GRAMD2B: variants seen among roughly 807,000 people sequenced by gnomAD.
GRAMD2B encodes the protein GRAM domain containing 2B, also known as GRAM domain-containing protein 2B.
In GRAMD2B, 41 loss-of-function variants were observed where a neutral mutation model predicts 59.2. The ratio of observed to expected loss-of-function variants is 0.69; its 90% CI spans 0.54 to 0.90. The LOEUF (loss-of-function observed/expected upper bound fraction) is 0.90. Ranked by LOEUF, GRAMD2B falls within the 40% of genes least tolerant of loss-of-function variation. The pLI, the probability that GRAMD2B is intolerant of heterozygous loss-of-function variation, is 0.00. For missense variants in GRAMD2B, 424 were observed against 500.5 expected (o/e 0.85, Z 1.46); for synonymous variants, 161 against 182.7 (o/e 0.88, Z 0.96).
chr5:126,457,857 G>C (rs1327717869), intron 1 of GRAMD2B, among the ~76,000 whole-genome samples: 3 of 152,030 alleles, frequency 2.0e-5, no homozygotes, highest in African/African-American at 7.3e-5. Context: ...ATAGGCTATT[G>C]CAAGGATTTG....
intron 1 of GRAMD2B, among the ~76,000 whole-genome samples, chr5:126,380,824 TATACCATC>T (rs968393530): frequency 2.0e-5 from 3 of 152,206 alleles, no homozygotes; most frequent in African/African-American, 2.4e-5. Flanking sequence ...GTTTTCTAGG[TATACCATC>T]ATATCACGGG....
chr5:126,423,473 T>A lies in GRAMD2B; in HGVS notation c.-134T>A, dbSNP rs996652926. The A allele has an allele frequency of 1.4e-6, 2 of 1,448,722 alleles. No individual in the cohort carries two copies. The highest frequency in any genetic ancestry group is 3.0e-5 in the African/African-American group (2 of 65,920). 89.7% of individuals were successfully genotyped at this position (1,448,722 alleles called of 1,614,324 possible). ...GGAGCTTGGCGCGGCCCGGCCTGGATGCGCTGGGCGGAGGGTGCAGGGGAG... is the reference window on the plus strand; with the variant it reads ...GGAGCTTGGCGCGGCCCGGCCTGGAAGCGCTGGGCGGAGGGTGCAGGGGAG... On this transcript the variant is annotated 5_prime_UTR_variant, in exon 1 of 14. It removes an upstream start codon present in the reference 5' UTR. Transcript: ENST00000285689.
intron 1 of GRAMD2B, among the ~76,000 whole-genome samples, chr5:126,382,087 G>A (rs1240393657): frequency 6.6e-6 from 1 of 152,094 alleles, no homozygotes; most frequent in Non-Finnish European, 1.5e-5. Context: ...TCCTTTATTA[G>A]GTTACCTGAT....
intron 1 of GRAMD2B, among the ~76,000 whole-genome samples, chr5:126,456,540 G>A (rs1766316290): frequency 6.6e-6 from 1 of 152,104 alleles, no homozygotes. Flanking sequence ...CAGTTTTAGT[G>A]TAGTGGTTAC....
At chr5:126,430,524 A>G (rs1025475216) in intron 1 of GRAMD2B, among the ~76,000 whole-genome samples, 1 of 152,082 alleles carries the variant, frequency 6.6e-6, no homozygotes, top group African/African-American at 2.4e-5. Flanking sequence ...CCTTATTTCA[A>G]TTCCCAACCC....
At chr5:126,445,573 A>T (rs2126636976) in intron 1 of GRAMD2B, 1 of 127,084 alleles carries the variant, frequency 7.9e-6, no homozygotes, top group South Asian at 2.6e-4. Flanking sequence ...ACATCACCCC[A>T]TGTCTGCTGC....
In GRAMD2B at chr5:126,448,826, G is replaced by A. The variant is rs1004555837; in HGVS notation, c.84-16600G>A. On this transcript the variant is annotated intron_variant, in intron 1 of 13. Transcript: ENST00000285689. The stretch of plus-strand genomic sequence containing the variant: ...AAGATTGGAGTTGTGTGGGCCCTCA[G>A]CGAACTCATCTTTGTTTCCTTATTT... 3.0e-4 allele frequency among the ~76,000 whole-genome samples: 45 copies of A among 152,202 alleles called. 3 individuals are homozygous for A.
intron 1 of GRAMD2B, among the ~76,000 whole-genome samples, chr5:126,403,067 C>T (rs1757970988): frequency 6.6e-6 from 1 of 151,880 alleles, no homozygotes; most frequent in South Asian, 2.1e-4. Flanking sequence ...CAAGTCTTTC[C>T]AAAGCAATGA....
chr5:126,417,360 G>C lies in GRAMD2B; in HGVS notation c.125+45793G>C, dbSNP rs1005706390. Among the ~76,000 whole-genome samples, 6 of 152,326 alleles carry C rather than the reference G, an allele frequency of 3.9e-5. No individual in the cohort carries two copies. In the East Asian group the frequency reaches 1.2e-3, roughly 29 times the overall value. On this transcript the variant is annotated intron_variant, in intron 1 of 8. Transcript: ENST00000506445. Reference sequence around the variant, plus strand: ...AAAAAAATCCAACTGTACTGAGATGGCCATGCTGTAAGGCAGCCAAAGCTA... The same window carrying C: ...AAAAAAATCCAACTGTACTGAGATGCCCATGCTGTAAGGCAGCCAAAGCTA...
At chr5:126,416,476 T>C (rs1759275789) in intron 1 of GRAMD2B, among the ~76,000 whole-genome samples, 1 of 152,188 alleles carries the variant, frequency 6.6e-6, no homozygotes, top group Admixed American at 6.5e-5. Flanking sequence ...CAAATATTTA[T>C]TGAGCATCTA....
chr5:126,453,152 T>A (rs1464831078), intron 1 of GRAMD2B, among the ~76,000 whole-genome samples: 2 of 152,076 alleles, frequency 1.3e-5, no homozygotes, highest in Non-Finnish European at 2.9e-5. Context: ...CTGGCCAACA[T>A]GGTGAAATTC....
intron 1 of GRAMD2B, among the ~76,000 whole-genome samples, chr5:126,384,459 C>T (rs935120081): frequency 2.6e-5 from 4 of 152,136 alleles, no homozygotes; most frequent in Non-Finnish European, 5.9e-5. Flanking sequence ...CAGTATAATC[C>T]CGGAGAAAGG....
chr5:126,371,730 G>T (rs1424200014), intron 1 of GRAMD2B, among the ~76,000 whole-genome samples: 1 of 152,192 alleles, frequency 6.6e-6, no homozygotes, highest in African/African-American at 2.4e-5. Context: ...TTCGAAGGGG[G>T]TATGTAATAA....
chr5:126,449,832 C>G (rs1765009850), intron 1 of GRAMD2B, among the ~76,000 whole-genome samples: 1 of 152,134 alleles, frequency 6.6e-6, no homozygotes, highest in East Asian at 1.9e-4. Flanking sequence ...CTGGGAGAGT[C>G]CTGTGTGTCA....
At chr5:126,463,346 A>T (rs969855363) in intron 1 of GRAMD2B, among the ~76,000 whole-genome samples, 18 of 152,174 alleles carry the variant, frequency 1.2e-4, no homozygotes, top group Admixed American at 8.5e-4. Flanking sequence ...GGGCTTCTCA[A>T]GTAGATTTCT....
In GRAMD2B at chr5:126,492,916, T is replaced by C; in HGVS notation, c.1259T>C (p.Ile420Thr). Residue 420 changes from isoleucine (I) to threonine (T), a missense_variant and splice_region_variant, in exon 14 of 14, where the codon ATA (isoleucine) becomes ACA (threonine). Physicochemically the swap from Ile to Thr is moderately conservative, Grantham distance 89 (BLOSUM62 -1). Transcript: ENST00000285689. ...LTANIVKLEK[I>T]QNNLQKLLEN... is the part of the protein sequence containing the mutation. ...GAACTTCTTTTCTTTTATTTCAAGA[T>C]ACAAAATAACTTACAGAAGTTGCTT... The C allele has an allele frequency of 1.2e-6, 2 of 1,603,382 alleles. No individual in the cohort carries two copies. Among genetic ancestry groups the C allele is most frequent in the Non-Finnish European group, 8.5e-7 (1 of 1,170,430 alleles).
chr5:126,484,326 T>G, intron 9 of GRAMD2B, 76 bp from the exon 10 acceptor site: 2 of 1,503,856 alleles, frequency 1.3e-6, no homozygotes, highest in Non-Finnish European at 1.8e-6. Context: ...GTTAAGGGAT[T>G]GATTTACTTG....
chr5:126,469,998 A>G (rs563348402), intron 3 of GRAMD2B, among the ~76,000 whole-genome samples: 2 of 152,318 alleles, frequency 1.3e-5, no homozygotes, highest in East Asian at 3.9e-4. Flanking sequence ...AGCACATTGC[A>G]TGGTAGTGAG....
At chr5:126,443,099 A>G (rs928788808) in intron 1 of GRAMD2B, among the ~76,000 whole-genome samples, 5 of 152,186 alleles carry the variant, frequency 3.3e-5, no homozygotes, top group Non-Finnish European at 7.3e-5. Flanking sequence ...GATGAAAGTA[A>G]CAATAGTAAT....
Sources: allele counts gnomAD v4.1 joint callset (sites outside exome capture counted in the v4.1 genomes callset), GRCh38; gene constraint gnomAD v4.1.1; transcripts MANE v1.5; gene names NCBI Gene and HGNC (gene_info 2026-07-23, HGNC 2026-07-21).